LEPR: variants seen among roughly 807,000 people sequenced by gnomAD.
The protein encoded by LEPR is OB receptor.
In LEPR, 56 loss-of-function variants were observed where a neutral mutation model predicts 114.7. That is an observed-to-expected ratio of 0.49 (90% CI 0.39 to 0.61). The LOEUF (loss-of-function observed/expected upper bound fraction) is 0.61. Among genes scored for constraint, LEPR ranks in the 20% least tolerant of loss-of-function variants. The pLI is 0.00. For missense variants in LEPR, 1,202 were observed against 1,352.9 expected (o/e 0.89, Z 1.75); for synonymous variants, 443 against 461.4 (o/e 0.96, Z 0.51).
intron 2 of LEPR, among the ~76,000 whole-genome samples, chr1:65,457,046 C>G (rs1275735278): frequency 6.6e-6 from 1 of 152,166 alleles, no homozygotes; most frequent in Admixed American, 6.5e-5. Flanking sequence ...AGAATCCAAT[C>G]CTTCAAATAA....
intron 19 of LEPR, chr1:65,634,836 G>A (rs1311028849): frequency 6.7e-6 from 6 of 892,994 alleles, no homozygotes; most frequent in Non-Finnish European, 6.7e-6. Context: ...AAATGAGCAA[G>A]CAAATATTTG....
At chr1:65,494,278 A>C (rs575545210) in intron 2 of LEPR, 1 of 152,306 alleles carries the variant, frequency 6.6e-6, no homozygotes, top group Admixed American at 6.5e-5. Flanking sequence ...ATTGCTATTT[A>C]AAAATAGGCC....
intron 5 of LEPR, among the ~76,000 whole-genome samples, chr1:65,584,922 C>T (rs1655218766): frequency 6.6e-6 from 1 of 151,924 alleles, no homozygotes; most frequent in Non-Finnish European, 1.5e-5. Context: ...TTACAAAATG[C>T]TTCTTAAACT....
chr1:65,435,914 C>G (rs1195067202), intron 2 of LEPR: 17 of 984,844 alleles, frequency 1.7e-5, no homozygotes, highest in Non-Finnish European at 2.0e-5. Flanking sequence ...TTCAAATAGC[C>G]ATGCTACCAG....
Position 65,569,963 on chromosome 1 carries a change from A to T in LEPR, c.41-510A>T, listed in dbSNP as rs538772006. 9.9e-5 allele frequency among the ~76,000 whole-genome samples: 15 copies of T among 152,224 alleles called. No homozygotes were observed. The East Asian group carries it at 2.7e-3, about 27-fold the overall frequency. On this transcript the variant is annotated intron_variant, in intron 3 of 19. Transcript: ENST00000349533. ...AGATCATCAAGCCATCATCATGTTG[A>T]AGACAAATTCTTTCTAAAAGTGCTC...
chr1:65,609,804 G>C, intron 12 of LEPR, 143 bp from the exon 13 acceptor site: 1 of 1,172,678 alleles, frequency 8.5e-7, no homozygotes, highest in African/African-American at 1.5e-5. Flanking sequence ...GCCTAATTGT[G>C]ACTATTTCTG....
At chr1:65,431,692 C>T in intron 2 of LEPR, 1 of 1,115,878 alleles carries the variant, frequency 9.0e-7, no homozygotes, top group Non-Finnish European at 1.3e-6. Context: ...AGCCTTTTAG[C>T]AGCTTTGTGT....
chr1:65,554,962 G>A (rs1019107054), intron 2 of LEPR, among the ~76,000 whole-genome samples: 1 of 152,114 alleles, frequency 6.6e-6, no homozygotes, highest in African/African-American at 2.4e-5. Context: ...TTGGCTAGGG[G>A]AGGGAGTTTC....
intron 7 of LEPR, among the ~76,000 whole-genome samples, chr1:65,598,095 C>CTTTTTTTTTTTTTTT (rs1226626771): frequency 0.01 from 1,028 of 101,356 alleles, 108 homozygotes; most frequent in South Asian, 0.019. Context: ...CCTCCTGCCT[C>CTTTTTTTTTTTTTTT]TTTTTTTTTT....
At chr1:65,427,518 C>G (rs1646402891) in intron 2 of LEPR, among the ~76,000 whole-genome samples, 1 of 152,146 alleles carries the variant, frequency 6.6e-6, no homozygotes, top group Non-Finnish European at 1.5e-5. Flanking sequence ...GTGATCACAC[C>G]ACTGCAGTCC....
chr1:65,488,996 A>G (rs1647725232), intron 2 of LEPR, among the ~76,000 whole-genome samples: 1 of 152,174 alleles, frequency 6.6e-6, no homozygotes, highest in African/African-American at 2.4e-5. Flanking sequence ...TATATGTACC[A>G]CATTTTCTTT....
chr1:65,523,766 C>T (rs1258915194), intron 2 of LEPR, among the ~76,000 whole-genome samples: 2 of 152,134 alleles, frequency 1.3e-5, no homozygotes, highest in East Asian at 3.8e-4. Context: ...TAGTGACTTC[C>T]CACCAAAAAT....
intron 11 of LEPR, among the ~76,000 whole-genome samples, chr1:65,607,458 G>A (rs1022981875): frequency 6.6e-6 from 1 of 152,184 alleles, no homozygotes; most frequent in Non-Finnish European, 1.5e-5. Context: ...TCCAACCTGA[G>A]CAGTTCTGGA....
At chr1:65,425,453 C>T (rs571925377) in intron 2 of LEPR, 75 bp downstream of exon 2, 359 of 1,314,448 alleles carry the variant, frequency 2.7e-4, no homozygotes, top group East Asian at 2.6e-3. Flanking sequence ...TTAGAGAGTT[C>T]GGTCAATTTA....
intron 11 of LEPR, among the ~76,000 whole-genome samples, chr1:65,605,956 A>G (rs1656781600): frequency 6.6e-6 from 1 of 152,172 alleles, no homozygotes; most frequent in African/African-American, 2.4e-5. Context: ...AAAACAAAAC[A>G]AAAATGGGAT....
chr1:65,630,666 C>T (rs937061714), intron 19 of LEPR, among the ~76,000 whole-genome samples: 4 of 150,798 alleles, frequency 2.7e-5, no homozygotes, highest in Non-Finnish European at 4.4e-5. Context: ...CATCTCTTAC[C>T]TTTTATCTCA....
At chr1:65,602,282 G>C (rs1294433121) in intron 10 of LEPR, among the ~76,000 whole-genome samples, 1 of 151,944 alleles carries the variant, frequency 6.6e-6, no homozygotes, top group Non-Finnish European at 1.5e-5. Flanking sequence ...TGACTTAGTT[G>C]ACTAGAGGAG....
chr1:65,486,677 G>A (rs994982309), intron 2 of LEPR, among the ~76,000 whole-genome samples: 14 of 152,152 alleles, frequency 9.2e-5, no homozygotes, highest in African/African-American at 3.4e-4. Flanking sequence ...TATCTCTGGG[G>A]AGATGAGCTG....
At chr1:65,455,281 C>G (rs1028335225) in intron 2 of LEPR, among the ~76,000 whole-genome samples, 6 of 152,230 alleles carry the variant, frequency 3.9e-5, no homozygotes, top group African/African-American at 2.4e-5. Flanking sequence ...CTTCTCTCAG[C>G]TCGTCGAAGT....
Sources: gnomAD v4.1 joint callset for allele counts (sites outside exome capture counted in the v4.1 genomes callset) on GRCh38, gnomAD v4.1.1 for gene constraint, MANE v1.5 for transcripts, NCBI Gene and HGNC (gene_info 2026-07-23, HGNC 2026-07-21) for gene names.